TCF25: variants seen among roughly 807,000 people sequenced by gnomAD.
The protein encoded by TCF25 is ribosome quality control complex subunit TCF25.
In TCF25, 41 loss-of-function variants were observed where a neutral mutation model predicts 83.1. The observed-to-expected ratio is 0.49, with a 90% CI of 0.38 to 0.64. TCF25 has a LOEUF of 0.64. Among genes scored for constraint, TCF25 ranks in the 30% least tolerant of loss-of-function variants. TCF25 has a pLI of 0.00. For missense variants in TCF25, 979 were observed against 914.5 expected, an observed-to-expected ratio of 1.07 and a Z score of -0.91; for synonymous variants, 458 against 365.0, an observed-to-expected ratio of 1.25 and a Z score of -2.90.
chr16:89,908,514 CCTTCCAG>C (rs1225268451), intron 16 of TCF25, among the ~76,000 whole-genome samples: 3 of 131,434 alleles, frequency 2.3e-5, no homozygotes, highest in East Asian at 2.7e-4. Context: ...CCACCTCCCA[CCTTCCAG>C]CTCCCACCTC....
At chr16:89,877,234 C>T (rs995374543) in intron 1 of TCF25, among the ~76,000 whole-genome samples, 4 of 152,050 alleles carry the variant, frequency 2.6e-5, no homozygotes, top group East Asian at 1.9e-4. Context: ...GACAGAGTCT[C>T]GCTCTATTGC....
At position 89,904,165 on chromosome 16, in the gene TCF25, G is replaced by T. The variant is rs368925920; in HGVS notation, c.1429G>T (p.Val477Phe). ...ESCSVRPDAS[V>F]SSHRFFGPNA... is the part of the protein sequence containing the mutation. ...TTGCAGTGTGCGGCCCGACGCCAGC[G>T]TTTCCAGTCACCGCTTCTTTGGACC... Residue 477 changes from valine to phenylalanine, a missense_variant, in exon 13 of 18, where the codon GTT becomes TTT. By Grantham distance (50) the Val-to-Phe change is conservative. Coordinates refer to ENST00000263346, the MANE Select transcript of TCF25 (RefSeq NM_014972.3). 6 of 1,602,978 alleles carry T rather than the reference G, an allele frequency of 3.7e-6. No homozygotes were observed. Among genetic ancestry groups the T allele is most frequent in the Non-Finnish European group, 5.1e-6 (6 of 1,174,934 alleles).
intron 4 of TCF25, among the ~76,000 whole-genome samples, chr16:89,887,451 T>A (rs2043104475): frequency 6.6e-6 from 1 of 152,244 alleles, no homozygotes; most frequent in South Asian, 2.1e-4. Context: ...CACGGCACAG[T>A]GACGGCAGCT....
intron 9 of TCF25, among the ~76,000 whole-genome samples, chr16:89,897,620 A>G (rs1171080317): frequency 6.6e-6 from 1 of 152,232 alleles, no homozygotes; most frequent in East Asian, 1.9e-4. Flanking sequence ...ATTATAAAAT[A>G]TTAATATTTC....
chr16:89,905,322 C>A (rs779170913), intron 14 of TCF25, among the ~76,000 whole-genome samples: 9 of 152,178 alleles, frequency 5.9e-5, no homozygotes, highest in African/African-American at 2.2e-4. Flanking sequence ...AGCTGCTGTT[C>A]CCGGGTGCCT....
chr16:89,904,883 G>A (rs760993766), intron 13 of TCF25, 55 bp from the exon 14 acceptor site: 19 of 1,565,130 alleles, frequency 1.2e-5, no homozygotes, highest in East Asian at 2.4e-5. Context: ...TGCCAGCCTC[G>A]AGGCAGGCTG....
chr16:89,903,229 A>T (rs932514864), intron 12 of TCF25, among the ~76,000 whole-genome samples: 1 of 152,228 alleles, frequency 6.6e-6, no homozygotes, highest in African/African-American at 2.4e-5. Context: ...CTTACCCCAG[A>T]ACACTGGAGA....
chr16:89,882,397 G>A (rs2042674412), intron 1 of TCF25, among the ~76,000 whole-genome samples: 1 of 151,962 alleles, frequency 6.6e-6, no homozygotes, highest in African/African-American at 2.4e-5. Context: ...AATTAGCCAG[G>A]CATGGTAGCT....
At chr16:89,905,210 C>G (rs2144261241) in intron 14 of TCF25, 114 bp downstream of exon 14, 3 of 1,384,784 alleles carry the variant, frequency 2.2e-6, no homozygotes, top group Non-Finnish European at 2.9e-6. Flanking sequence ...CTTGGCCTCC[C>G]TTGCTGTGGG....
At chr16:89,876,589 G>A (rs925898238) in intron 1 of TCF25, among the ~76,000 whole-genome samples, 4 of 152,148 alleles carry the variant, frequency 2.6e-5, no homozygotes, top group African/African-American at 9.7e-5. Flanking sequence ...TCAGGAGTTC[G>A]AGAGCAGCCT....
At chr16:89,888,884 A>G (rs1423725351) in intron 5 of TCF25, among the ~76,000 whole-genome samples, 2 of 124,530 alleles carry the variant, frequency 1.6e-5, no homozygotes, top group Admixed American at 9.5e-5. Context: ...ACGGGGCTTC[A>G]CCATGTCGGC....
chr16:89,904,094 A>G (rs199973986), intron 12 of TCF25, 24 bp from the exon 13 acceptor site: 1 of 1,594,044 alleles, frequency 6.3e-7, no homozygotes. Context: ...GAGGGCCCCC[A>G]CAGAGCCTCC....
intron 14 of TCF25, among the ~76,000 whole-genome samples, 195 bp from the exon 15 acceptor site, chr16:89,905,999 C>A (rs570032038): frequency 3.3e-5 from 5 of 152,272 alleles, no homozygotes; most frequent in South Asian, 4.1e-4. Flanking sequence ...GGATTGGTCC[C>A]CAGAGGCTCC....
intron 7 of TCF25, among the ~76,000 whole-genome samples, chr16:89,894,278 C>T (rs2043658437): frequency 6.6e-6 from 1 of 150,894 alleles, no homozygotes; most frequent in Non-Finnish European, 1.5e-5. Context: ...CCCAGACAGC[C>T]CCGGACCTGG....
Position 89,873,658 on chromosome 16 carries a change from G to A in TCF25, c.-10G>A, listed in dbSNP as rs1404775288. The stretch of plus-strand genomic sequence containing the variant: ...CTCCCTCTCTCCAGACGTCGTGGTC[G>A]TTCGGTCCTATGTCGCGCCGGGCCC... On this transcript the variant is annotated 5_prime_UTR_variant, in exon 1 of 18. Transcript: ENST00000263346. 2 of 1,565,182 alleles carry A rather than the reference G, an allele frequency of 1.3e-6. No individual in the cohort carries two copies. Among genetic ancestry groups the A allele is most frequent in the Non-Finnish European group, 1.7e-6 (2 of 1,161,650 alleles).
At chr16:89,907,160 A>G in intron 15 of TCF25, 83 bp from the exon 16 acceptor site, 1 of 1,332,556 alleles carries the variant, frequency 7.5e-7, no homozygotes, top group South Asian at 1.2e-5. Flanking sequence ...TCCATGCTGG[A>G]GTCGACAGAA....
intron 1 of TCF25, 87 bp downstream of exon 1, chr16:89,873,946 G>T (rs961709778): frequency 1.5e-5 from 21 of 1,373,270 alleles, no homozygotes; most frequent in Non-Finnish European, 8.5e-6. Flanking sequence ...GGGGAGCGGG[G>T]TTGTGATGCC....
chr16:89,886,630 C>T (rs1327132582), intron 4 of TCF25, among the ~76,000 whole-genome samples: 1 of 151,408 alleles, frequency 6.6e-6, no homozygotes, highest in East Asian at 1.9e-4. Context: ...GGCGTGGTGG[C>T]GCATGCCTGT....
Position 89,900,769 on chromosome 16 carries a change from G to A in TCF25, c.1356G>A (p.Gln452=). Residue 452 remains glutamine (Q), a synonymous_variant, in exon 12 of 18, where the codon CAG becomes CAA. Transcript: ENST00000263346. The part of the protein sequence containing the change: ...SARQKASLLI[Q]QALTMFPGVL... ...GGCAGAAGGCCTCTCTCCTGATACA[G>A]CAGGCGCTCACCATGTTCCCTGGAG... is the stretch of plus-strand genomic sequence containing the variant. 1.3e-6 allele frequency: 2 copies of A among 1,586,940 alleles called. No homozygotes were observed. Among genetic ancestry groups the A allele is most frequent in the East Asian group, 2.3e-5 (1 of 44,138 alleles).
Sources: allele counts gnomAD v4.1 joint callset (sites outside exome capture counted in the v4.1 genomes callset), GRCh38; gene constraint gnomAD v4.1.1; transcripts MANE v1.5; gene names NCBI Gene and HGNC (gene_info 2026-07-23, HGNC 2026-07-21).